The following BRINP3 variants were observed in gnomAD, a reference collection of about 807,000 sequenced individuals.
BRINP3 encodes BMP/retinoic acid inducible neural specific 3, also known as BMP/retinoic acid-inducible neural-specific protein 3.
Under a neutral mutation model 71.0 loss-of-function variants are expected in BRINP3, and 19 were observed. That is an observed-to-expected ratio of 0.27 (90% CI 0.19 to 0.39). BRINP3 has a LOEUF of 0.39. BRINP3 is among the 10% of genes least tolerant of loss of function. The pLI, the probability that BRINP3 is intolerant of heterozygous loss-of-function variation, is 1.00. For synonymous variants in BRINP3, 380 were observed against 337.7 expected, an observed-to-expected ratio of 1.13 and a Z score of -1.37; for missense variants, 959 against 940.8, an observed-to-expected ratio of 1.02 and a Z score of -0.25.
At chr1:190,453,452 C>A (rs1675785852) in intron 2 of BRINP3, among the ~76,000 whole-genome samples, 1 of 151,274 alleles carries the variant, frequency 6.6e-6, no homozygotes, top group South Asian at 2.1e-4. Context: ...CTCTTGACCT[C>A]GTGATCCGCC....
intron 2 of BRINP3, among the ~76,000 whole-genome samples, chr1:190,370,130 C>T (rs548584216): frequency 3.4e-4 from 52 of 152,140 alleles, no homozygotes; most frequent in Middle Eastern, 6.8e-3. Flanking sequence ...TTTTCATCCC[C>T]GTAACATTTT....
intron 2 of BRINP3, among the ~76,000 whole-genome samples, chr1:190,444,567 G>T (rs866548068): frequency 1.3e-5 from 2 of 151,050 alleles, no homozygotes; most frequent in Admixed American, 1.3e-4. Flanking sequence ...ACAGAGTCTT[G>T]CTCTGTCGCC....
intron 4 of BRINP3, among the ~76,000 whole-genome samples, chr1:190,244,043 CA>C (rs1659353184): frequency 6.6e-6 from 1 of 151,958 alleles, no homozygotes; most frequent in Non-Finnish European, 1.5e-5. Flanking sequence ...CTCCACATTA[CA>C]GTGAATTGTA....
At chr1:190,134,493 A>C (rs1389882872) in intron 7 of BRINP3, among the ~76,000 whole-genome samples, 1 of 152,162 alleles carries the variant, frequency 6.6e-6, no homozygotes, top group Non-Finnish European at 1.5e-5. Flanking sequence ...AATGAATTCA[A>C]AAGAAGGGCG....
At chr1:190,448,031 T>C (rs1049700730) in intron 2 of BRINP3, among the ~76,000 whole-genome samples, 8 of 151,710 alleles carry the variant, frequency 5.3e-5, no homozygotes, top group African/African-American at 1.9e-4. Context: ...CATCCTAAAA[T>C]AATTAGAGCA....
intron 7 of BRINP3, among the ~76,000 whole-genome samples, chr1:190,158,889 A>G (rs573691763): frequency 1.3e-5 from 2 of 148,784 alleles, no homozygotes; most frequent in African/African-American, 4.8e-5. Flanking sequence ...GAGAGAGAGA[A>G]AGAAAAGAGA....
chr1:190,167,773 G>C (rs1651683998), intron 6 of BRINP3, among the ~76,000 whole-genome samples: 1 of 152,108 alleles, frequency 6.6e-6, no homozygotes, highest in Admixed American at 6.6e-5. Context: ...TCCCACCCCT[G>C]TGAAGCCAAT....
At position 190,172,694 on chromosome 1, in the gene BRINP3, A is replaced by T. The variant is rs111539724; in HGVS notation, c.962-11804T>A. ...TTCCAGTTTAGACTTTATCAGTGACAGAAAGTCATGTGGGACGTGGAAGGC... is the reference window on the plus strand; with the variant it reads ...TTCCAGTTTAGACTTTATCAGTGACTGAAAGTCATGTGGGACGTGGAAGGC... On this transcript the variant is annotated intron_variant, in intron 6 of 7. Coordinates refer to ENST00000367462, the MANE Select transcript of BRINP3 (RefSeq NM_199051.3). 3.5e-3 allele frequency among the ~76,000 whole-genome samples: 540 copies of T among 152,290 alleles called. 4 individuals carry two copies. Among genetic ancestry groups the T allele is most frequent in the African/African-American group, 0.012 (513 of 41,568 alleles).
At chr1:190,169,079 T>C (rs1332863679) in intron 6 of BRINP3, among the ~76,000 whole-genome samples, 3 of 152,190 alleles carry the variant, frequency 2.0e-5, no homozygotes, top group East Asian at 3.8e-4. Flanking sequence ...TGACATACTC[T>C]GAAAAATATG....
intron 3 of BRINP3, among the ~76,000 whole-genome samples, chr1:190,279,743 T>G (rs1041681779): frequency 3.7e-4 from 56 of 151,938 alleles, no homozygotes; most frequent in African/African-American, 1.3e-3. Flanking sequence ...CTACTCTTAC[T>G]TGGGTACTGA....
chr1:190,326,985 T>A (rs1666618297), intron 2 of BRINP3, among the ~76,000 whole-genome samples: 1 of 148,582 alleles, frequency 6.7e-6, no homozygotes, highest in Non-Finnish European at 1.5e-5. Context: ...TCTAAATGCC[T>A]GATGTAAAAC....
chr1:190,275,154 ATCGCTCTGAGGT>A (rs1171217307), intron 3 of BRINP3, among the ~76,000 whole-genome samples: 1 of 151,632 alleles, frequency 6.6e-6, no homozygotes, highest in Non-Finnish European at 1.5e-5. Flanking sequence ...CTGGAAATAA[ATCGCTCTGAGGT>A]TAGGTGGCAA....
In BRINP3 at chr1:190,301,204, C is replaced by CATATATATATATAT. The variant is rs369121473; in HGVS notation, c.237-19468_237-19455dup. Among the ~76,000 whole-genome samples, 252 of 106,214 alleles carry CATATATATATATAT rather than the reference C, an allele frequency of 2.4e-3. 1 individual carries two copies. Among genetic ancestry groups the CATATATATATATAT allele is most frequent in the South Asian group, 3.9e-3 (11 of 2,794 alleles). 69.7% of individuals were successfully genotyped at this position (106,214 alleles called of 152,430 possible). On this transcript the variant is annotated intron_variant, in intron 2 of 7. Coordinates refer to ENST00000367462, the MANE Select transcript of BRINP3 (RefSeq NM_199051.3). The stretch of plus-strand genomic sequence containing the variant: ...ATATATATGTATATATATACACATA[C>CATATATATATATAT]ATATATATATATATATATATATATA...
chr1:190,362,425 T>C (rs1644852794), intron 2 of BRINP3, among the ~76,000 whole-genome samples: 1 of 152,154 alleles, frequency 6.6e-6, no homozygotes, highest in Non-Finnish European at 1.5e-5. Flanking sequence ...ATATCTTAAA[T>C]GGTAAGAATT....
intron 4 of BRINP3, among the ~76,000 whole-genome samples, chr1:190,261,969 T>C (rs1212528126): frequency 6.6e-6 from 1 of 152,168 alleles, no homozygotes; most frequent in Admixed American, 6.6e-5. Context: ...ACACATCTAC[T>C]CAGTTCCTCA....
At chr1:190,212,702 A>T (rs1486687948) in intron 6 of BRINP3, among the ~76,000 whole-genome samples, 1 of 152,090 alleles carries the variant, frequency 6.6e-6, no homozygotes, top group Non-Finnish European at 1.5e-5. Context: ...AGTAATGCGA[A>T]TTAGCTAGAC....
At chr1:190,472,408 A>G (rs769946569) in intron 1 of BRINP3, among the ~76,000 whole-genome samples, 1 of 151,686 alleles carries the variant, frequency 6.6e-6, no homozygotes, top group Non-Finnish European at 1.5e-5. Context: ...TAAGCACACA[A>G]TCATAATATC....
chr1:190,128,307 C>G (rs1396498366), intron 7 of BRINP3, among the ~76,000 whole-genome samples: 1 of 151,728 alleles, frequency 6.6e-6, no homozygotes, highest in African/African-American at 2.4e-5. Context: ...TTTAAAATGA[C>G]TTTTAATTAC....
intron 2 of BRINP3, among the ~76,000 whole-genome samples, chr1:190,318,287 C>G (rs534985632): frequency 2.0e-5 from 3 of 152,008 alleles, no homozygotes; most frequent in African/African-American, 7.2e-5. Context: ...TAAACTTTAT[C>G]TAATATTTTC....
Sources: gnomAD v4.1 joint callset for allele counts (sites outside exome capture counted in the v4.1 genomes callset) on GRCh38, gnomAD v4.1.1 for gene constraint, MANE v1.5 for transcripts, NCBI Gene and HGNC (gene_info 2026-07-23, HGNC 2026-07-21) for gene names.